The following FRA10AC1 variants were observed in gnomAD, a reference collection of about 807,000 sequenced individuals.
FRA10AC1 encodes protein FRA10AC1.
Under a neutral mutation model 56.5 loss-of-function variants are expected in FRA10AC1, and 43 were observed. The ratio of observed to expected loss-of-function variants is 0.76; its 90% CI spans 0.60 to 0.98. FRA10AC1 has a LOEUF of 0.98. Among genes scored for constraint, FRA10AC1 ranks in the 50% least tolerant of loss-of-function variants. FRA10AC1 has a pLI of 0.00. For synonymous variants in FRA10AC1, 112 were observed against 110.5 expected (o/e 1.01, Z -0.09); for missense variants, 346 against 351.8 (o/e 0.98, Z 0.13).
At chr10:93,678,751 A>T (rs1346166078) in intron 11 of FRA10AC1, among the ~76,000 whole-genome samples, 1 of 151,828 alleles carries the variant, frequency 6.6e-6, no homozygotes, top group African/African-American at 2.4e-5. Flanking sequence ...GGAGGATCAC[A>T]TGGGCCTCCG....
At chr10:93,682,700 G>GA (rs773098708) in intron 10 of FRA10AC1, among the ~76,000 whole-genome samples, 1 of 152,138 alleles carries the variant, frequency 6.6e-6, no homozygotes, top group African/African-American at 2.4e-5. Flanking sequence ...AGCTATTCTG[G>GA]AGGCTGAGGT....
At chr10:93,669,890 C>G (rs139454370) in intron 13 of FRA10AC1, 22 bp from the exon 14 acceptor site, 1 of 1,396,406 alleles carries the variant, frequency 7.2e-7, no homozygotes, top group South Asian at 1.2e-5. Context: ...AAAAAGCATA[C>G]TTAAGATCAA....
rs533741346 is a variant in FRA10AC1, at chr10:93,684,205, G to C, written c.626-107C>G. ...TTCTTTATATTCCATTACTATAAGA[G>C]GGTAAACAAACAATCCAAAGAAAAC... On this transcript the variant is annotated intron_variant, in intron 9 of 13. Coordinates refer to ENST00000359204, the MANE Select transcript of FRA10AC1 (RefSeq NM_145246.5). 1.3e-4 allele frequency: 103 copies of C among 769,136 alleles called. 1 individual carries two copies. The highest frequency in any genetic ancestry group is 5.1e-4 in the Middle Eastern group (2 of 3,918). The allele number at this position is 769,136 out of a possible 1,614,324, so 47.6% of individuals were successfully genotyped here. A position where few individuals can be genotyped will look rare whatever the true frequency, so the allele number is the denominator to read the frequency against.
intron 6 of FRA10AC1, 33 bp from the exon 7 acceptor site, chr10:93,692,126 T>C (rs369773780): frequency 6.4e-6 from 9 of 1,405,768 alleles, no homozygotes; most frequent in South Asian, 5.0e-5. Flanking sequence ...ATTATACATT[T>C]AGAAACTCAA....
chr10:93,698,172 T>G lies in FRA10AC1; in HGVS notation c.183A>C (p.Ala61=), dbSNP rs753645580. Residue 61 remains alanine (A), a synonymous_variant, in exon 4 of 14, where the codon GCA becomes GCC. Coordinates refer to ENST00000359204, the MANE Select transcript of FRA10AC1 (RefSeq NM_145246.5). ...VAAELLDREE[A]RNRRFHLIAM... ...CTATGAGATGAAACCTTCTATTTCT[T>G]GCTTCTTCCCTGTTAAAACAAATTT... is the stretch of plus-strand genomic sequence containing the variant. 3.2e-6 allele frequency: 5 copies of G among 1,584,210 alleles called. No homozygotes were observed. The highest frequency in any genetic ancestry group is 3.4e-6 in the Non-Finnish European group (4 of 1,162,340).
At position 93,669,255 on chromosome 10, in the gene FRA10AC1, A is replaced by C. The variant is rs1236338953; in HGVS notation, c.*571T>G. 4 of 152,160 alleles carry C rather than the reference A, an allele frequency of 2.6e-5. No homozygotes were observed. Among genetic ancestry groups the C allele is most frequent in the Non-Finnish European group, 5.9e-5 (4 of 68,062 alleles). The allele number at this position is 152,160 out of a possible 1,614,324, so 9.4% of individuals were successfully genotyped here. A position where few individuals can be genotyped will look rare whatever the true frequency, so the allele number is the denominator to read the frequency against. On this transcript the variant is annotated 3_prime_UTR_variant, in exon 14 of 14. Coordinates refer to ENST00000359204, the MANE Select transcript of FRA10AC1 (RefSeq NM_145246.5). ...AAAGAAAGAAGTTAAAGACATACATAATATACTTTAATCCTAGTAATTTAA... is the reference window on the plus strand; with the variant it reads ...AAAGAAAGAAGTTAAAGACATACATCATATACTTTAATCCTAGTAATTTAA...
chr10:93,682,790 G>A (rs1589719289), intron 10 of FRA10AC1, among the ~76,000 whole-genome samples: 2 of 152,246 alleles, frequency 1.3e-5, no homozygotes, highest in African/African-American at 4.8e-5. Flanking sequence ...AGGCAACAGA[G>A]TGAGACCTTG....
intron 12 of FRA10AC1, chr10:93,673,797 A>G (rs759068455): frequency 2.0e-5 from 9 of 451,530 alleles, no homozygotes; most frequent in South Asian, 6.3e-5. Context: ...TAATAATCCA[A>G]CGAAGTAGGT....
intron 5 of FRA10AC1, among the ~76,000 whole-genome samples, chr10:93,693,496 A>G (rs113017694): frequency 3.1e-5 from 2 of 65,434 alleles, no homozygotes; most frequent in African/African-American, 4.5e-5. Context: ...ATATATATAT[A>G]TATATATATA....
At chr10:93,680,135 G>C (rs2058909287) in intron 11 of FRA10AC1, among the ~76,000 whole-genome samples, 1 of 152,114 alleles carries the variant, frequency 6.6e-6, no homozygotes. Context: ...ATAAAGTAGA[G>C]ACTAGTTCTT....
At chr10:93,693,480 GTGTATA>G (rs1392834091) in intron 5 of FRA10AC1, among the ~76,000 whole-genome samples, 21 of 19,742 alleles carry the variant, frequency 1.1e-3, no homozygotes, top group East Asian at 3.4e-3. Flanking sequence ...TGTGGTGTGT[GTGTATA>G]TATATATATA....
rs569236582 is a variant in FRA10AC1 at position 93,688,620 on chromosome 10, A to T, written c.466-1171T>A. Among the ~76,000 whole-genome samples the T allele has an allele frequency of 3.3e-5, 5 of 152,266 alleles. No homozygotes were observed. In the South Asian group the frequency reaches 1.0e-3, roughly 32 times the overall value. The stretch of plus-strand genomic sequence containing the variant: ...GTATGAGAGCAGGGGGTATATGGGA[A>T]TTCTGTGCTTTCTGCTCAATTTTGT... On this transcript the variant is annotated intron_variant, in intron 7 of 13. Transcript: ENST00000359204.
At chr10:93,673,682 T>C (rs2058800505) in intron 12 of FRA10AC1, 1 of 386,208 alleles carries the variant, frequency 2.6e-6, no homozygotes. Context: ...GATTTATATG[T>C]CTGTATTTTT....
chr10:93,699,176 CA>C (rs2059286808), intron 2 of FRA10AC1, among the ~76,000 whole-genome samples: 1 of 152,124 alleles, frequency 6.6e-6, no homozygotes, highest in Non-Finnish European at 1.5e-5. Flanking sequence ...TCTATTCTTA[CA>C]AAGTAGTATT....
intron 4 of FRA10AC1, among the ~76,000 whole-genome samples, chr10:93,695,514 T>C (rs2059217101): frequency 6.6e-6 from 1 of 152,010 alleles, no homozygotes; most frequent in Non-Finnish European, 1.5e-5. Context: ...TTTCAAAGCA[T>C]TGTAACAAAA....
intron 7 of FRA10AC1, among the ~76,000 whole-genome samples, chr10:93,688,868 T>C (rs1413133734): frequency 6.6e-6 from 1 of 152,020 alleles, no homozygotes; most frequent in South Asian, 2.1e-4. Context: ...GAAACATGCA[T>C]ACCTGTACCC....
intron 11 of FRA10AC1, among the ~76,000 whole-genome samples, chr10:93,676,898 C>T (rs575503799): frequency 7.9e-5 from 12 of 151,992 alleles, no homozygotes; most frequent in Non-Finnish European, 1.6e-4. Flanking sequence ...ATCTTATGTG[C>T]TCATATGGTC....
chr10:93,687,199 C>G (rs1263843890), intron 8 of FRA10AC1, among the ~76,000 whole-genome samples: 2 of 151,656 alleles, frequency 1.3e-5, no homozygotes, highest in African/African-American at 4.8e-5. Flanking sequence ...ACTGAATGTT[C>G]TAAAGGCAAA....
intron 12 of FRA10AC1, among the ~76,000 whole-genome samples, chr10:93,676,262 T>C (rs1035097232): frequency 6.6e-6 from 1 of 152,148 alleles, no homozygotes; most frequent in East Asian, 1.9e-4. Flanking sequence ...AGGGAAAAAA[T>C]AATAAAATTT....
Sources: allele counts gnomAD v4.1 joint callset (sites outside exome capture counted in the v4.1 genomes callset), GRCh38; gene constraint gnomAD v4.1.1; transcripts MANE v1.5; gene names NCBI Gene and HGNC (gene_info 2026-07-23, HGNC 2026-07-21).